TBCK: variants seen among roughly 807,000 people sequenced by gnomAD.
TBCK encodes the protein TBC domain-containing protein kinase-like protein.
Under a neutral mutation model 113.4 loss-of-function variants are expected in TBCK, and 99 were observed. That is an observed-to-expected ratio of 0.87 (90% CI 0.74 to 1.03). The LOEUF (loss-of-function observed/expected upper bound fraction) is 1.03, where lower values mean the gene tolerates loss of function less well. Ranked by LOEUF, TBCK falls within the 50% of genes least tolerant of loss-of-function variation. TBCK has a pLI of 0.00. For missense variants in TBCK, 1,045 were observed against 1,061.3 expected (o/e 0.98, Z 0.21); for synonymous variants, 369 against 370.8 (o/e 1.00, Z 0.05).
intron 3 of TBCK, among the ~76,000 whole-genome samples, chr4:106,281,303 AT>A (rs34073910): frequency 0.24 from 35,024 of 148,052 alleles, 4,333 homozygotes; most frequent in Middle Eastern, 0.34. Flanking sequence ...ACTTCTAATC[AT>A]TTTTTTTTTT....
chr4:106,076,410 G>A (rs1428283272), intron 25 of TBCK, among the ~76,000 whole-genome samples: 2 of 152,204 alleles, frequency 1.3e-5, no homozygotes, highest in Admixed American at 1.3e-4. Context: ...AACAGCAGCA[G>A]TATTGTGGTA....
chr4:106,301,188 T>A (rs1367291010), intron 2 of TBCK, among the ~76,000 whole-genome samples: 1 of 151,580 alleles, frequency 6.6e-6, no homozygotes, highest in African/African-American at 2.4e-5. Flanking sequence ...ATATATAATT[T>A]GTTCTGTTTC....
rs200786464 is a variant in TBCK, at chr4:106,128,330, T to C, written c.2236-11952A>G. Among the ~76,000 whole-genome samples, 3 of 152,314 alleles carry C rather than the reference T, an allele frequency of 2.0e-5. No individual in the cohort carries two copies. In the East Asian group the frequency reaches 5.8e-4, roughly 29 times the overall value. On this transcript the variant is annotated intron_variant, in intron 23 of 25. Coordinates refer to ENST00000394708, the MANE Select transcript of TBCK (RefSeq NM_001163435.3). Reference sequence around the variant, plus strand: ...TTTTTTGAGACAGCTATTCTTTATCTTAAACATTTGACATTCTACTTATCA... The same window carrying C: ...TTTTTTGAGACAGCTATTCTTTATCCTAAACATTTGACATTCTACTTATCA...
chr4:106,136,226 A>C lies in TBCK; in HGVS notation c.2236-19848T>G, dbSNP rs112654327. On this transcript the variant is annotated intron_variant, in intron 23 of 25. Transcript: ENST00000394708. ...ACATGCAATTCCATCCATCTACAGTAAACAGAAGGTAAATTAAAACAATAA... is the reference window on the plus strand; with the variant it reads ...ACATGCAATTCCATCCATCTACAGTCAACAGAAGGTAAATTAAAACAATAA... 1.4e-5 allele frequency among the ~76,000 whole-genome samples: 2 copies of C among 138,086 alleles called. 1 individual carries two copies. The highest frequency in any genetic ancestry group is 1.4e-4 in the Admixed American group (2 of 14,024). The allele number at this position is 138,086 out of a possible 152,430, so 90.6% of individuals were successfully genotyped here.
At chr4:106,220,566 C>CA (rs5860819) in intron 19 of TBCK, among the ~76,000 whole-genome samples, 152,166 of 152,170 alleles carry the variant, frequency 1, 76,081 homozygotes, top group Non-Finnish European at 1. Context: ...TATTCCATGA[C>CA]AAGCTGAATT....
At chr4:106,089,667 T>C (rs1401707244) in intron 25 of TBCK, among the ~76,000 whole-genome samples, 1 of 152,240 alleles carries the variant, frequency 6.6e-6, no homozygotes, top group Non-Finnish European at 1.5e-5. Flanking sequence ...ATATTGGGTA[T>C]GCATTATCAT....
At chr4:106,119,737 G>C (rs577483553) in intron 23 of TBCK, among the ~76,000 whole-genome samples, 63 of 152,180 alleles carry the variant, frequency 4.1e-4, no homozygotes, top group African/African-American at 1.5e-3. Context: ...TTGCAGAATG[G>C]GAGAAAATAT....
At chr4:106,201,352 G>A (rs564920003) in intron 20 of TBCK, among the ~76,000 whole-genome samples, 1 of 151,868 alleles carries the variant, frequency 6.6e-6, no homozygotes, top group South Asian at 2.1e-4. Context: ...ATATAAAAAA[G>A]ACATCAAGAT....
chr4:106,292,569 CA>C (rs36032025), intron 3 of TBCK, among the ~76,000 whole-genome samples: 2,750 of 115,746 alleles, frequency 0.024, 63 homozygotes, highest in African/African-American at 0.075. Flanking sequence ...GACTCCATCT[CA>C]AAAAAAAAAA....
chr4:106,075,691 A>G (rs1466729255), intron 25 of TBCK, among the ~76,000 whole-genome samples: 1 of 152,234 alleles, frequency 6.6e-6, no homozygotes, highest in African/African-American at 2.4e-5. Flanking sequence ...GGTAAAATTA[A>G]AATGAACAGA....
chr4:106,216,940 T>C (rs1757013135), intron 19 of TBCK, among the ~76,000 whole-genome samples: 1 of 152,080 alleles, frequency 6.6e-6, no homozygotes. Flanking sequence ...ACCAATATCC[T>C]TGATGAACAT....
At chr4:106,210,999 G>A (rs948032520) in intron 20 of TBCK, among the ~76,000 whole-genome samples, 6 of 152,076 alleles carry the variant, frequency 3.9e-5, no homozygotes, top group Non-Finnish European at 7.4e-5. Context: ...GTGTTGCTAT[G>A]TTGTTTTGGT....
intron 23 of TBCK, among the ~76,000 whole-genome samples, chr4:106,133,302 C>T (rs1746176424): frequency 6.6e-6 from 1 of 152,062 alleles, no homozygotes; most frequent in South Asian, 2.1e-4. Context: ...ATGGGAGTTC[C>T]CCTTGCCTGC....
intron 25 of TBCK, among the ~76,000 whole-genome samples, chr4:106,051,046 G>A (rs959028019): frequency 1.3e-4 from 20 of 151,836 alleles, no homozygotes; most frequent in Non-Finnish European, 2.2e-4. Context: ...ATGTTTGCCC[G>A]GAGAAAGTTA....
rs150519104 is a variant in TBCK at position 106,060,239 on chromosome 4, G to A, written c.2572-13559C>T. ...ATGCAAATGAAGCAGCCTTTGATTG[G>A]AAGAAGATGCCATCTAGGGCTTTCA... is the stretch of plus-strand genomic sequence containing the variant. On this transcript the variant is annotated intron_variant, in intron 25 of 25. Transcript: ENST00000394708. Among the ~76,000 whole-genome samples, 78 of 151,878 alleles carry A rather than the reference G, an allele frequency of 5.1e-4. 1 individual carries two copies. In the East Asian group the frequency reaches 0.014, roughly 28 times the overall value.
At chr4:106,052,108 C>T (rs1734876893) in intron 25 of TBCK, among the ~76,000 whole-genome samples, 1 of 151,684 alleles carries the variant, frequency 6.6e-6, no homozygotes, top group South Asian at 2.1e-4. Context: ...AGTTTATTTT[C>T]TTAATAGCAT....
chr4:106,233,758 T>C, intron 15 of TBCK, 108 bp from the exon 16 acceptor site: 1 of 830,626 alleles, frequency 1.2e-6, no homozygotes, highest in Non-Finnish European at 1.9e-6. Flanking sequence ...CCTACCCAAC[T>C]ACAGATAAGC....
intron 25 of TBCK, among the ~76,000 whole-genome samples, chr4:106,057,802 A>G (rs1185546680): frequency 6.6e-6 from 1 of 151,764 alleles, no homozygotes; most frequent in Non-Finnish European, 1.5e-5. Flanking sequence ...ACATGTCACA[A>G]TGTTGCATTC....
chr4:106,092,918 GAGGGCTGCA>G (rs369067805), intron 25 of TBCK, among the ~76,000 whole-genome samples: 52 of 152,300 alleles, frequency 3.4e-4, no homozygotes, highest in African/African-American at 1.2e-3. Context: ...AAGAGTGAGC[GAGGGCTGCA>G]AGGGCTGCCA....
Sources: allele counts gnomAD v4.1 joint callset (sites outside exome capture counted in the v4.1 genomes callset), GRCh38; gene constraint gnomAD v4.1.1; transcripts MANE v1.5; gene names NCBI Gene and HGNC (gene_info 2026-07-23, HGNC 2026-07-21).